Variants in APP observed in about 807,000 individuals in gnomAD.
The protein encoded by APP is amyloid beta precursor protein, also known as amyloid-beta precursor protein.
In APP, 31 loss-of-function variants were observed where a neutral mutation model predicts 101.4. The ratio of observed to expected loss-of-function variants is 0.31; its 90% CI spans 0.23 to 0.41. The LOEUF (loss-of-function observed/expected upper bound fraction) is 0.41. APP is among the 10% of genes least tolerant of loss of function. The probability of loss-of-function intolerance (pLI) is 1.00; values close to 1 mark genes in which losing one functional copy is unlikely to be tolerated. For synonymous variants in APP, 366 were observed against 364.4 expected (o/e 1.00, Z -0.05); for missense variants, 839 against 1,003.7 (o/e 0.84, Z 2.22).
At chr21:25,891,905 AAATGCAATAT>A in intron 16 of APP, 37 bp from the exon 17 acceptor site, 1 of 1,576,764 alleles carries the variant, frequency 6.3e-7, no homozygotes. Flanking sequence ...TTTAATTTCT[AAATGCAATAT>A]AATTTACAAT....
Position 26,170,629 on chromosome 21 carries a change from T to G in APP, c.-9A>C. 4 of 1,533,730 alleles carry G rather than the reference T, an allele frequency of 2.6e-6. No homozygotes were observed. The highest frequency in any genetic ancestry group is 3.5e-6 in the Non-Finnish European group (4 of 1,144,786). On this transcript the variant is annotated 5_prime_UTR_variant, in exon 1 of 18. Transcript: ENST00000346798. ...GCCAAACCGGGCAGCATCGCGACCC[T>G]GCGCGGGGCACCGAGTGCGCTGCTG...
intron 1 of APP, chr21:26,169,513 T>C (rs1261139222): frequency 2.0e-5 from 3 of 153,178 alleles, no homozygotes; most frequent in African/African-American, 4.8e-5. Context: ...CAGACGCACA[T>C]CCCACTCTCC....
intron 3 of APP, 64 bp downstream of exon 3, chr21:26,089,879 C>T (rs979233295): frequency 1.9e-6 from 3 of 1,609,270 alleles, no homozygotes; most frequent in South Asian, 2.2e-5. Context: ...ACAGGAGCAT[C>T]CTCTTTTTCT....
chr21:25,900,428 G>T (rs972945295), intron 15 of APP, among the ~76,000 whole-genome samples: 1 of 150,604 alleles, frequency 6.6e-6, no homozygotes, highest in African/African-American at 2.4e-5. Flanking sequence ...GTGTGGTGGC[G>T]GGTGCCTGTA....
At position 25,943,602 on chromosome 21, in the gene APP, C is replaced by T. The variant is rs148487211; in HGVS notation, c.1687+10988G>A. On this transcript the variant is annotated intron_variant, in intron 13 of 17. Transcript: ENST00000346798. ...TAGCTGGGATTACAGGCATGTGCCA[C>T]CATGCCCGGCTAATTTTTTTATTTT... 3.2e-3 allele frequency among the ~76,000 whole-genome samples: 483 copies of T among 151,976 alleles called. 2 individuals carry two copies. The highest frequency in any genetic ancestry group is 0.011 in the African/African-American group (457 of 41,452).
chr21:26,064,200 C>T (rs1262379899), intron 3 of APP, among the ~76,000 whole-genome samples: 5 of 152,134 alleles, frequency 3.3e-5, no homozygotes, highest in Non-Finnish European at 7.4e-5. Flanking sequence ...CATCCTGGAA[C>T]ACAGAAAGGA....
intron 17 of APP, among the ~76,000 whole-genome samples, chr21:25,888,041 A>C (rs2037455027): frequency 1.3e-5 from 2 of 152,122 alleles, no homozygotes; most frequent in Admixed American, 6.6e-5. Context: ...AATCTCCTGG[A>C]AACCAAAGCT....
At chr21:26,150,606 C>CAGATAGATAGATAGATAGAT (rs775175694) in intron 1 of APP, among the ~76,000 whole-genome samples, 9,001 of 148,586 alleles carry the variant, frequency 0.061, 387 homozygotes, top group East Asian at 0.11. Context: ...TCTAGATAGA[C>CAGATAGATAGATAGATAGAT]AGATAGATAG....
intron 1 of APP, among the ~76,000 whole-genome samples, chr21:26,134,704 T>C (rs2146285925): frequency 6.6e-6 from 1 of 152,312 alleles, no homozygotes; most frequent in East Asian, 1.9e-4. Context: ...AAACTTCAGC[T>C]CCTGGAGGTT....
chr21:25,990,996 C>A (rs771144677), intron 8 of APP, among the ~76,000 whole-genome samples: 44 of 152,210 alleles, frequency 2.9e-4, no homozygotes, highest in Non-Finnish European at 5.0e-4. Flanking sequence ...GCCAGAAAAA[C>A]CACAAAATAA....
intron 11 of APP, among the ~76,000 whole-genome samples, chr21:25,957,717 A>G (rs1037328800): frequency 1.3e-5 from 2 of 152,178 alleles, no homozygotes; most frequent in Non-Finnish European, 2.9e-5. Context: ...AAGCACTTCA[A>G]TTAAAAAAGT....
chr21:25,900,409 A>G (rs910432305), intron 15 of APP, among the ~76,000 whole-genome samples: 4 of 123,542 alleles, frequency 3.2e-5, no homozygotes, highest in Non-Finnish European at 6.8e-5. Flanking sequence ...AAAAAAAAAA[A>G]TTAGCCAGGT....
intron 1 of APP, among the ~76,000 whole-genome samples, chr21:26,144,988 T>C (rs1023482037): frequency 6.6e-6 from 1 of 152,188 alleles, no homozygotes; most frequent in East Asian, 1.9e-4. Context: ...TATAATACAA[T>C]AAAACGTTCT....
chr21:25,971,872 G>C (rs958302798), intron 11 of APP, among the ~76,000 whole-genome samples: 6 of 152,160 alleles, frequency 3.9e-5, no homozygotes, highest in Non-Finnish European at 8.8e-5. Flanking sequence ...ATCTAAAAAT[G>C]CAAAGCTCAA....
intron 13 of APP, among the ~76,000 whole-genome samples, chr21:25,944,593 T>TA (rs1220486230): frequency 1.2e-4 from 18 of 152,330 alleles, no homozygotes; most frequent in African/African-American, 4.3e-4. Context: ...CATTCCCAGT[T>TA]AGTGTTTGTG....
intron 1 of APP, among the ~76,000 whole-genome samples, chr21:26,137,394 G>A (rs2062944150): frequency 6.7e-6 from 1 of 149,952 alleles, no homozygotes; most frequent in Non-Finnish European, 1.5e-5. Context: ...AAGGGTTACT[G>A]CCCTTTTTTT....
intron 2 of APP, among the ~76,000 whole-genome samples, chr21:26,109,391 AGT>A (rs2062260576): frequency 6.6e-6 from 1 of 152,146 alleles, no homozygotes; most frequent in Non-Finnish European, 1.5e-5. Context: ...GGTGTTTGAA[AGT>A]GTGTAGCACC....
intron 16 of APP, among the ~76,000 whole-genome samples, chr21:25,893,327 T>C (rs1340277296): frequency 1.3e-5 from 2 of 152,174 alleles, no homozygotes; most frequent in African/African-American, 2.4e-5. Context: ...CTCTTAAGTA[T>C]TCAAGTGAAA....
At chr21:26,149,489 TA>T (rs368095303) in intron 1 of APP, among the ~76,000 whole-genome samples, 84 of 152,362 alleles carry the variant, frequency 5.5e-4, no homozygotes, top group African/African-American at 2.0e-3. Context: ...GAAATACAGT[TA>T]TTTTTTCCAG....
Sources: allele counts gnomAD v4.1 joint callset (sites outside exome capture counted in the v4.1 genomes callset), GRCh38; gene constraint gnomAD v4.1.1; transcripts MANE v1.5; gene names NCBI Gene and HGNC (gene_info 2026-07-23, HGNC 2026-07-21).